SIPA1L1: variants seen among roughly 807,000 people sequenced by gnomAD.
SIPA1L1 encodes signal induced proliferation associated 1 like 1.
SIPA1L1 carries 26 observed loss-of-function variants against 162.7 expected under a neutral mutation model. The ratio of observed to expected loss-of-function variants is 0.16; its 90% CI spans 0.12 to 0.22. The LOEUF is 0.22. SIPA1L1 is among the 10% of genes least tolerant of loss of function. SIPA1L1 has a pLI of 1.00. For synonymous variants in SIPA1L1, 829 were observed against 837.4 expected (o/e 0.99, Z 0.17); for missense variants, 1,874 against 2,241.0 (o/e 0.84, Z 3.31).
intron 7 of SIPA1L1, among the ~76,000 whole-genome samples, chr14:71,647,217 A>G (rs1310943049): frequency 6.6e-6 from 1 of 152,120 alleles, no homozygotes; most frequent in African/African-American, 2.4e-5. Context: ...GGAATTTCCT[A>G]ATCCTCTTAA....
At chr14:71,695,293 G>A (rs1192253804) in intron 13 of SIPA1L1, among the ~76,000 whole-genome samples, 1 of 152,202 alleles carries the variant, frequency 6.6e-6, no homozygotes, top group African/African-American at 2.4e-5. Context: ...TTCTATGTGT[G>A]TGAACAGTCA....
chr14:71,450,058 A>G (rs1324503885), intron 2 of SIPA1L1, among the ~76,000 whole-genome samples: 3 of 152,156 alleles, frequency 2.0e-5, no homozygotes, highest in African/African-American at 7.2e-5. Context: ...ATAAAACTTA[A>G]AAAATAAAAA....
chr14:71,326,894 T>G (rs778589408), intron 2 of SIPA1L1, among the ~76,000 whole-genome samples: 1 of 150,268 alleles, frequency 6.7e-6, no homozygotes, highest in Non-Finnish European at 1.5e-5. Context: ...GTTTTTTTAG[T>G]AAAGACAGGG....
intron 15 of SIPA1L1, among the ~76,000 whole-genome samples, chr14:71,702,790 G>A (rs2082182619): frequency 6.6e-6 from 1 of 152,092 alleles, no homozygotes; most frequent in South Asian, 2.1e-4. Flanking sequence ...CCTCCCCCTT[G>A]TTTATTTGTT....
chr14:71,412,933 A>G (rs776247194), intron 2 of SIPA1L1, among the ~76,000 whole-genome samples: 14 of 152,220 alleles, frequency 9.2e-5, no homozygotes, highest in Non-Finnish European at 1.8e-4. Flanking sequence ...AAATACAACC[A>G]TGGTGGGAGC....
intron 5 of SIPA1L1, among the ~76,000 whole-genome samples, chr14:71,605,129 A>G (rs915440214): frequency 5.3e-5 from 8 of 152,058 alleles, no homozygotes; most frequent in Non-Finnish European, 1.0e-4. Context: ...TCTGTCGTCA[A>G]GTACTGAGGT....
chr14:71,611,271 A>C (rs1310449102), intron 5 of SIPA1L1, among the ~76,000 whole-genome samples: 1 of 152,150 alleles, frequency 6.6e-6, no homozygotes, highest in South Asian at 2.1e-4. Context: ...GAATTCTCCA[A>C]TCCTTTAGCT....
Position 71,524,944 on chromosome 14 carries a change from A to G in SIPA1L1, c.-361-4368A>G, listed in dbSNP as rs148866140. ...TATTTCCATTCTTACCTCTATGGGA[A>G]AACTTCCTTTCCTTTTTTTCTTTTC... On this transcript the variant is annotated intron_variant, in intron 3 of 23. Transcript: ENST00000381232. Among the ~76,000 whole-genome samples, 468 of 152,106 alleles carry G rather than the reference A, an allele frequency of 3.1e-3. 3 individuals are homozygous for G. Among genetic ancestry groups the G allele is most frequent in the Middle Eastern group, 0.017 (5 of 294 alleles).
At chr14:71,714,208 G>A (rs1298133588) in intron 17 of SIPA1L1, among the ~76,000 whole-genome samples, 1 of 152,136 alleles carries the variant, frequency 6.6e-6, no homozygotes, top group African/African-American at 2.4e-5. Flanking sequence ...CCAGCTTTTG[G>A]GGGTGGTTAT....
At chr14:71,564,210 A>G (rs995915098) in intron 4 of SIPA1L1, among the ~76,000 whole-genome samples, 16 of 151,982 alleles carry the variant, frequency 1.1e-4, no homozygotes, top group Admixed American at 2.0e-4. Flanking sequence ...CAGCCTCCCA[A>G]TGTGCTTAGA....
At chr14:71,547,249 T>C (rs2055308510) in intron 4 of SIPA1L1, among the ~76,000 whole-genome samples, 1 of 152,016 alleles carries the variant, frequency 6.6e-6, no homozygotes, top group Non-Finnish European at 1.5e-5. Context: ...TATATTTCAT[T>C]ATTGGATAGA....
At chr14:71,505,425 T>TA (rs1037330190) in intron 2 of SIPA1L1, among the ~76,000 whole-genome samples, 26 of 151,364 alleles carry the variant, frequency 1.7e-4, no homozygotes, top group South Asian at 2.1e-4. Context: ...TTTCTTCTTT[T>TA]TTTTTTTTTT....
chr14:71,494,377 G>C (rs1025506668), intron 2 of SIPA1L1, among the ~76,000 whole-genome samples: 2 of 151,756 alleles, frequency 1.3e-5, no homozygotes, highest in Non-Finnish European at 1.5e-5. Flanking sequence ...TGATATAATC[G>C]TGTGGCTTTT....
chr14:71,456,030 G>A (rs1171795281), intron 2 of SIPA1L1, among the ~76,000 whole-genome samples: 1 of 152,186 alleles, frequency 6.6e-6, no homozygotes, highest in East Asian at 1.9e-4. Flanking sequence ...TACAGCTAAA[G>A]GGAAAAACGT....
rs2039528729 is a variant in SIPA1L1 at position 71,377,659 on chromosome 14, C to T, written c.-465+56478C>T. On this transcript the variant is annotated intron_variant, in intron 2 of 23. Transcript: ENST00000381232. This position sits in a 1 kb window ranked among gnomAD's most constrained non-coding sequence, Gnocchi z 4.8. ...GGTGGAGGTTGTAGCGAGCTGAGAT[C>T]ACGCCACTGCACTCCAGCGTGGGCA... 1.3e-5 allele frequency among the ~76,000 whole-genome samples: 2 copies of T among 152,162 alleles called. No homozygotes were observed. Among genetic ancestry groups the T allele is most frequent in the Non-Finnish European group, 2.9e-5 (2 of 68,028 alleles).
chr14:71,429,721 CTA>C (rs1327016504), intron 2 of SIPA1L1, among the ~76,000 whole-genome samples: 1 of 152,044 alleles, frequency 6.6e-6, no homozygotes, highest in East Asian at 1.9e-4. Flanking sequence ...TTCTTTAGTC[CTA>C]TATGTTTATA....
At chr14:71,515,000 C>G (rs1455527455) in intron 3 of SIPA1L1, among the ~76,000 whole-genome samples, 1 of 152,194 alleles carries the variant, frequency 6.6e-6, no homozygotes, top group Non-Finnish European at 1.5e-5. Context: ...ATGGAGAGTT[C>G]TGTGCATGTT....
chr14:71,529,605 C>T (rs2053234767), intron 4 of SIPA1L1, among the ~76,000 whole-genome samples: 1 of 152,202 alleles, frequency 6.6e-6, no homozygotes, highest in Non-Finnish European at 1.5e-5. Context: ...AGGCTATTGC[C>T]TGTAAATAGT....
intron 2 of SIPA1L1, among the ~76,000 whole-genome samples, chr14:71,342,220 T>C (rs1325236021): frequency 1.3e-5 from 2 of 152,138 alleles, no homozygotes; most frequent in Non-Finnish European, 2.9e-5. Flanking sequence ...CCCAGGCTGG[T>C]CTCAAATTCC....
Sources: allele counts gnomAD v4.1 joint callset (sites outside exome capture counted in the v4.1 genomes callset), GRCh38; gene constraint gnomAD v4.1.1; non-coding constraint Gnocchi (gnomAD v3.1); transcripts MANE v1.5; gene names NCBI Gene and HGNC (gene_info 2026-07-23, HGNC 2026-07-21).